TMEM123: variants seen among roughly 807,000 people sequenced by gnomAD.
The protein encoded by TMEM123 is transmembrane protein 123, also known as porimin.
TMEM123 carries 16 observed loss-of-function variants against 19.7 expected under a neutral mutation model. The observed-to-expected ratio is 0.81, with a 90% CI of 0.55 to 1.23. The LOEUF (loss-of-function observed/expected upper bound fraction) is 1.23. TMEM123 is among the 50% of genes most tolerant of loss of function. The pLI, the probability that TMEM123 is intolerant of heterozygous loss-of-function variation, is 0.00. For missense variants in TMEM123, 313 were observed against 257.8 expected (o/e 1.21, Z -1.47); for synonymous variants, 118 against 99.4 (o/e 1.19, Z -1.12).
chr11:102,430,874 G>C (rs1001794192), intron 2 of TMEM123, among the ~76,000 whole-genome samples: 4 of 152,132 alleles, frequency 2.6e-5, no homozygotes, highest in Non-Finnish European at 4.4e-5. Flanking sequence ...TTTTCTCTTT[G>C]TATCTTCCCC....
intron 4 of TMEM123, among the ~76,000 whole-genome samples, chr11:102,401,260 A>G (rs1045488391): frequency 1.3e-5 from 2 of 152,212 alleles, no homozygotes; most frequent in Admixed American, 6.5e-5. Context: ...TGAGTAAGTG[A>G]AAATTTCAGG....
chr11:102,432,970 C>G (rs1053964639), intron 2 of TMEM123, among the ~76,000 whole-genome samples: 1 of 151,978 alleles, frequency 6.6e-6, no homozygotes, highest in Non-Finnish European at 1.5e-5. Context: ...TTGGGAACCT[C>G]TGACTGGATT....
At chr11:102,422,929 G>T (rs1952098677) in intron 2 of TMEM123, among the ~76,000 whole-genome samples, 3 of 152,302 alleles carry the variant, frequency 2.0e-5, no homozygotes, top group Middle Eastern at 3.4e-3. Flanking sequence ...GAACAGAGCT[G>T]AAAGATAAAA....
At chr11:102,441,417 A>T (rs1351749760) in intron 2 of TMEM123, among the ~76,000 whole-genome samples, 1 of 152,204 alleles carries the variant, frequency 6.6e-6, no homozygotes, top group Non-Finnish European at 1.5e-5. Flanking sequence ...CTACATGGAA[A>T]CTGAACAACC....
intron 1 of TMEM123, among the ~76,000 whole-genome samples, chr11:102,449,809 C>G (rs1857920454): frequency 6.6e-6 from 1 of 152,208 alleles, no homozygotes; most frequent in Non-Finnish European, 1.5e-5. Context: ...TGCATTAGCT[C>G]ATCTAACCCT....
At chr11:102,402,528 G>A (rs923090230) in intron 2 of TMEM123, among the ~76,000 whole-genome samples, 7 of 151,876 alleles carry the variant, frequency 4.6e-5, no homozygotes, top group Non-Finnish European at 8.8e-5. Flanking sequence ...ACATCTCAAC[G>A]TATTTCATAT....
In TMEM123 at chr11:102,425,325, G is replaced by A. The variant is rs562724465; in HGVS notation, c.158-23119C>T. Among the ~76,000 whole-genome samples the A allele has an allele frequency of 5.3e-5, 8 of 152,322 alleles. No homozygotes were observed. In the South Asian group the frequency reaches 1.7e-3, roughly 32 times the overall value. ...GCAACAGCATCATGCTCAACAGATG[G>A]TTACGGTCCACTGTTATGAACACGA... On this transcript the variant is annotated intron_variant, in intron 2 of 4. Coordinates refer to ENST00000398136, the MANE Select transcript of TMEM123 (RefSeq NM_052932.3).
chr11:102,432,370 G>A (rs998943506), intron 2 of TMEM123, among the ~76,000 whole-genome samples: 26 of 152,202 alleles, frequency 1.7e-4, no homozygotes, highest in African/African-American at 6.3e-4. Flanking sequence ...CAGATTTGAG[G>A]AACCTGTTGA....
intron 2 of TMEM123, among the ~76,000 whole-genome samples, chr11:102,413,387 A>G (rs1952020106): frequency 6.6e-6 from 1 of 152,202 alleles, no homozygotes; most frequent in South Asian, 2.1e-4. Context: ...ACTGGTGTAC[A>G]TGTGCACGGA....
chr11:102,440,452 G>C (rs1365348573), intron 2 of TMEM123, among the ~76,000 whole-genome samples: 1 of 152,158 alleles, frequency 6.6e-6, no homozygotes, highest in Non-Finnish European at 1.5e-5. Flanking sequence ...GCCAAACTAA[G>C]TTTCATAAGT....
intron 1 of TMEM123, 71 bp from the exon 2 acceptor site, chr11:102,448,939 T>G: frequency 6.7e-7 from 1 of 1,502,398 alleles, no homozygotes. Context: ...TGTGGTTTTC[T>G]GCCTAGCGGG....
Position 102,452,669 on chromosome 11 carries a change from G to A in TMEM123, c.-46C>T, listed in dbSNP as rs1293103202. 1 of 1,383,960 alleles carries A rather than the reference G, an allele frequency of 7.2e-7. No homozygotes were observed. The highest frequency in any genetic ancestry group is 9.5e-7 in the Non-Finnish European group (1 of 1,056,538). The allele number at this position is 1,383,960 out of a possible 1,614,324, so 85.7% of individuals were successfully genotyped here. On this transcript the variant is annotated 5_prime_UTR_variant, in exon 1 of 5. Coordinates refer to ENST00000398136, the MANE Select transcript of TMEM123 (RefSeq NM_052932.3). ...GCAGCCTCGTGGGCTCCCAGCCGAG[G>A]TGGCGGCGGCGAGAGCGGCTCCTCT...
At position 102,402,240 on chromosome 11, in the gene TMEM123, CTA is replaced by C. The variant is rs1211692836; in HGVS notation, c.158-36_158-35del. 11 of 1,597,922 alleles carry C rather than the reference CTA, an allele frequency of 6.9e-6. No homozygotes were observed. The Admixed American group carries it at 1.9e-4, about 27-fold the overall frequency. Reference sequence around the variant, plus strand: ...ATATCAAGAAACATTAAAACCAGAGCTATGATTTAGGGAATAAGATCCCATTT... The same window carrying C: ...ATATCAAGAAACATTAAAACCAGAGCTGATTTAGGGAATAAGATCCCATTT... On this transcript the variant is annotated intron_variant, in intron 2 of 4. Coordinates refer to ENST00000398136, the MANE Select transcript of TMEM123 (RefSeq NM_052932.3).
At chr11:102,407,387 T>C (rs550690109) in intron 2 of TMEM123, among the ~76,000 whole-genome samples, 1 of 152,242 alleles carries the variant, frequency 6.6e-6, no homozygotes, top group Non-Finnish European at 1.5e-5. Context: ...GCTAGTGCAG[T>C]TGGGAGGGTA....
In TMEM123 at chr11:102,423,633, G is replaced by A. The variant is rs189334228; in HGVS notation, c.158-21427C>T. On this transcript the variant is annotated intron_variant, in intron 2 of 4. Transcript: ENST00000398136. ...ACACATAGGAACCATGAGATAATAA[G>A]CGTAGTTTTAAACCACTTAGTTCTG... is the stretch of plus-strand genomic sequence containing the variant. Among the ~76,000 whole-genome samples the A allele has an allele frequency of 5.3e-3, 804 of 152,272 alleles. 4 individuals are homozygous for A. Among genetic ancestry groups the A allele is most frequent in the Non-Finnish European group, 9.0e-3 (613 of 68,018 alleles).
intron 2 of TMEM123, among the ~76,000 whole-genome samples, chr11:102,430,504 G>A (rs768671053): frequency 6.6e-6 from 1 of 152,210 alleles, no homozygotes. Context: ...TGGACCTGAG[G>A]AAACAAGCTT....
chr11:102,419,888 G>A (rs1952071906), intron 2 of TMEM123, among the ~76,000 whole-genome samples: 2 of 152,152 alleles, frequency 1.3e-5, no homozygotes, highest in Admixed American at 1.3e-4. Context: ...GGATTAGGCA[G>A]AAAATGAACT....
intron 2 of TMEM123, among the ~76,000 whole-genome samples, chr11:102,439,329 G>T (rs1199092904): frequency 1.3e-5 from 2 of 151,544 alleles, no homozygotes; most frequent in African/African-American, 2.4e-5. Context: ...AAGCCTAACT[G>T]GGAGACACCT....
chr11:102,445,789 A>G (rs1158515994), intron 2 of TMEM123, among the ~76,000 whole-genome samples: 1 of 152,222 alleles, frequency 6.6e-6, no homozygotes, highest in African/African-American at 2.4e-5. Context: ...GGTACCTAAT[A>G]GTGTAATAAA....
Sources: allele counts gnomAD v4.1 joint callset (sites outside exome capture counted in the v4.1 genomes callset), GRCh38; gene constraint gnomAD v4.1.1; transcripts MANE v1.5; gene names NCBI Gene and HGNC (gene_info 2026-07-23, HGNC 2026-07-21).